DOCK10: variants seen among roughly 807,000 people sequenced by gnomAD.
DOCK10 encodes dedicator of cytokinesis 10, also known as dedicator of cytokinesis protein 10.
A neutral mutation model predicts 280.1 loss-of-function variants in DOCK10; 145 were observed. The observed-to-expected ratio is 0.52, with a 90% CI of 0.45 to 0.59. The LOEUF is 0.59. DOCK10 is among the 20% of genes least tolerant of loss of function. The pLI is 0.00. For missense variants in DOCK10, 2,368 were observed against 2,651.7 expected, an observed-to-expected ratio of 0.89 and a Z score of 2.35; for synonymous variants, 915 against 942.2, an observed-to-expected ratio of 0.97 and a Z score of 0.53.
chr2:224,915,185 A>G (rs561479108), intron 3 of DOCK10, among the ~76,000 whole-genome samples: 2 of 151,882 alleles, frequency 1.3e-5, no homozygotes, highest in African/African-American at 4.8e-5. Context: ...GTTAACACAT[A>G]TTTATTGCAG....
Position 224,864,320 on chromosome 2 carries a change from C to T in DOCK10, c.1602+233G>A, listed in dbSNP as rs1175919370. On this transcript the variant is annotated intron_variant, in intron 13 of 55. Coordinates refer to ENST00000258390, the MANE Select transcript of DOCK10 (RefSeq NM_014689.3). ...GTCAGGAGTTCGAGACCAGCCTGGT[C>T]AACATGGTGAAACCCCATCTCTACT... Among the ~76,000 whole-genome samples, 3 of 152,134 alleles carry T rather than the reference C, an allele frequency of 2.0e-5. No homozygotes were observed. The Middle Eastern group carries it at 9.5e-3, about 481-fold the overall frequency.
At chr2:224,840,302 A>G (rs1349828339) in intron 23 of DOCK10, 2 of 366,470 alleles carry the variant, frequency 5.5e-6, no homozygotes, top group Admixed American at 4.1e-5. Context: ...GAAACACTCA[A>G]TGGAGTAAAG....
At chr2:224,871,374 T>C (rs1351099019) in intron 11 of DOCK10, among the ~76,000 whole-genome samples, 1 of 152,246 alleles carries the variant, frequency 6.6e-6, no homozygotes, top group Non-Finnish European at 1.5e-5. Flanking sequence ...ATCAGCCCAA[T>C]TTACAAAACA....
chr2:224,931,011 T>A (rs1313458953), intron 2 of DOCK10, among the ~76,000 whole-genome samples: 1 of 152,218 alleles, frequency 6.6e-6, no homozygotes, highest in African/African-American at 2.4e-5. Context: ...TGTGTGGTAG[T>A]GTGCATTGTC....
At chr2:224,999,807 C>T (rs955550233) in intron 1 of DOCK10, among the ~76,000 whole-genome samples, 6 of 149,700 alleles carry the variant, frequency 4.0e-5, no homozygotes, top group East Asian at 2.0e-4. Context: ...CCCAAAGAAG[C>T]GGCGGTTCCA....
intron 2 of DOCK10, among the ~76,000 whole-genome samples, chr2:224,920,762 T>C (rs1701658489): frequency 6.6e-6 from 1 of 152,002 alleles, no homozygotes; most frequent in Admixed American, 6.5e-5. Context: ...CTCCATTGCT[T>C]TCTTGACTTT....
chr2:224,942,844 C>A (rs1385441033), intron 1 of DOCK10, among the ~76,000 whole-genome samples: 3 of 151,738 alleles, frequency 2.0e-5, no homozygotes, highest in East Asian at 1.9e-4. Flanking sequence ...TGAAATCCTG[C>A]AGATTAATGA....
intron 1 of DOCK10, among the ~76,000 whole-genome samples, chr2:224,997,569 G>A (rs893353876): frequency 6.6e-6 from 1 of 152,058 alleles, no homozygotes; most frequent in African/African-American, 2.4e-5. Flanking sequence ...TTTTCCCTGA[G>A]ACACTGGGGT....
At chr2:225,025,241 A>C (rs867972557) in intron 1 of DOCK10, among the ~76,000 whole-genome samples, 1 of 152,126 alleles carries the variant, frequency 6.6e-6, no homozygotes. Flanking sequence ...CAGGAGAAAG[A>C]CCAAATTAAA....
intron 48 of DOCK10, 134 bp from the exon 49 acceptor site, chr2:224,787,531 T>C (rs1358698859): frequency 1.8e-6 from 2 of 1,107,888 alleles, no homozygotes; most frequent in Non-Finnish European, 2.6e-6. Context: ...CAGGGGATCG[T>C]GGTGTCATCT....
intron 1 of DOCK10, among the ~76,000 whole-genome samples, chr2:224,989,307 C>T (rs1407817668): frequency 2.0e-5 from 3 of 152,128 alleles, no homozygotes; most frequent in Non-Finnish European, 4.4e-5. Context: ...ACATGGGGAC[C>T]AAGGCATAGG....
intron 1 of DOCK10, among the ~76,000 whole-genome samples, chr2:224,947,565 T>C (rs1703493294): frequency 6.6e-6 from 1 of 152,258 alleles, no homozygotes; most frequent in African/African-American, 2.4e-5. Flanking sequence ...TATTATTTAA[T>C]AGAATGCACA....
chr2:224,842,662 C>T (rs1407138548), intron 22 of DOCK10, among the ~76,000 whole-genome samples: 4 of 152,002 alleles, frequency 2.6e-5, no homozygotes, highest in African/African-American at 7.3e-5. Flanking sequence ...ACTGTTTTCC[C>T]TTTAAGTATC....
chr2:225,014,081 A>ATATATTT (rs776104946), intron 1 of DOCK10, among the ~76,000 whole-genome samples: 1,973 of 96,432 alleles, frequency 0.02, 107 homozygotes, highest in East Asian at 0.054. Context: ...GTCTGAATAT[A>ATATATTT]TTGTTTTTTT....
At chr2:225,004,527 T>C (rs1450979347) in intron 1 of DOCK10, among the ~76,000 whole-genome samples, 1 of 152,208 alleles carries the variant, frequency 6.6e-6, no homozygotes, top group Non-Finnish European at 1.5e-5. Flanking sequence ...CCTAGGAAAC[T>C]AGTGCATCCT....
chr2:224,988,967 A>C (rs1402031869), intron 1 of DOCK10, among the ~76,000 whole-genome samples: 1 of 152,194 alleles, frequency 6.6e-6, no homozygotes, highest in East Asian at 1.9e-4. Context: ...TGAACACCAA[A>C]ATGCCCCCAG....
chr2:224,915,478 G>GA (rs1458888540), intron 3 of DOCK10, among the ~76,000 whole-genome samples: 3 of 151,216 alleles, frequency 2.0e-5, no homozygotes, highest in Non-Finnish European at 2.9e-5. Flanking sequence ...ATGGAATTGG[G>GA]AAAAAAAAGA....
intron 14 of DOCK10, among the ~76,000 whole-genome samples, chr2:224,857,618 A>G (rs1332865568): frequency 1.3e-5 from 2 of 152,204 alleles, no homozygotes; most frequent in East Asian, 3.8e-4. Context: ...GGCTTAGTTG[A>G]AACACATAAA....
chr2:224,775,715 A>T (rs1256274969), intron 51 of DOCK10, among the ~76,000 whole-genome samples: 1 of 152,200 alleles, frequency 6.6e-6, no homozygotes, highest in East Asian at 1.9e-4. Context: ...GCCTCAAGAG[A>T]TCTGTCCTCT....
Sources: allele counts gnomAD v4.1 joint callset (sites outside exome capture counted in the v4.1 genomes callset), GRCh38; gene constraint gnomAD v4.1.1; transcripts MANE v1.5; gene names NCBI Gene and HGNC (gene_info 2026-07-23, HGNC 2026-07-21).